ELAVL2: variants seen among roughly 807,000 people sequenced by gnomAD.
ELAVL2 encodes the protein ELAV-like protein 2.
A neutral mutation model predicts 34.6 loss-of-function variants in ELAVL2; 4 were observed. That is an observed-to-expected ratio of 0.12 (90% CI 0.06 to 0.26). ELAVL2 has a LOEUF of 0.26. Among genes scored for constraint, ELAVL2 ranks in the 10% least tolerant of loss-of-function variants. The pLI, the probability that ELAVL2 is intolerant of heterozygous loss-of-function variation, is 1.00. For synonymous variants in ELAVL2, 193 were observed against 154.8 expected (o/e 1.25, Z -1.83); for missense variants, 432 against 442.8 (o/e 0.98, Z 0.22).
chr9:23,711,363 A>G (rs1023150980), intron 3 of ELAVL2, among the ~76,000 whole-genome samples: 3 of 152,216 alleles, frequency 2.0e-5, no homozygotes, highest in African/African-American at 7.2e-5. Flanking sequence ...AAGTTCAGAG[A>G]TACCACGGAA....
At chr9:23,698,134 C>T (rs2132966022) in intron 5 of ELAVL2, among the ~76,000 whole-genome samples, 1 of 152,256 alleles carries the variant, frequency 6.6e-6, no homozygotes, top group East Asian at 1.9e-4. Context: ...GAAGCAGGCA[C>T]ACAGGTCATT....
At chr9:23,700,971 G>T (rs2036993811) in intron 5 of ELAVL2, among the ~76,000 whole-genome samples, 2 of 152,046 alleles carry the variant, frequency 1.3e-5, no homozygotes. Flanking sequence ...CAGCATTATT[G>T]GTGCTTTGGA....
chr9:23,827,358 G>A (rs185463638), upstream of ELAVL2, among the ~76,000 whole-genome samples: 45 of 152,324 alleles, frequency 3.0e-4, 1 homozygote, highest in East Asian at 8.1e-3. Context: ...CCAAAATACA[G>A]TTTTATGCAT....
chr9:23,731,201 T>C (rs766121073), intron 2 of ELAVL2, 76 bp from the exon 3 acceptor site: 40 of 1,311,082 alleles, frequency 3.1e-5, no homozygotes, highest in Non-Finnish European at 3.5e-5. Context: ...TTTTGGCATA[T>C]GGTCTTGTCA....
intron 1 of ELAVL2, among the ~76,000 whole-genome samples, chr9:23,807,057 TCAAA>T (rs1010715551): frequency 5.3e-5 from 8 of 152,114 alleles, no homozygotes; most frequent in African/African-American, 1.9e-4. Context: ...CCATGTTAAA[TCAAA>T]CAATTATAAA....
chr9:23,841,100 A>G, the ELAVL2 span, among the ~76,000 whole-genome samples: 1 of 152,132 alleles, frequency 6.6e-6, no homozygotes, highest in Admixed American at 6.6e-5. Context: ...TAGATGAACA[A>G]CCTGTTACCT....
chr9:23,699,823 T>G (rs1194669796), intron 5 of ELAVL2, among the ~76,000 whole-genome samples: 2 of 39,170 alleles, frequency 5.1e-5, no homozygotes, highest in Non-Finnish European at 5.0e-5. Flanking sequence ...TTTTTTTTTT[T>G]TTTTTTTTTT....
At chr9:23,745,294 T>C (rs2050221570) in intron 2 of ELAVL2, among the ~76,000 whole-genome samples, 1 of 152,164 alleles carries the variant, frequency 6.6e-6, no homozygotes, top group African/African-American at 2.4e-5. Context: ...GAATGTATAA[T>C]CTACAGCCAA....
chr9:23,827,971 A>C (rs1249807025), upstream of ELAVL2, among the ~76,000 whole-genome samples: 1 of 152,168 alleles, frequency 6.6e-6, no homozygotes, highest in Non-Finnish European at 1.5e-5. Context: ...CTCCACCCCC[A>C]GTTTTTGTAT....
intron 1 of ELAVL2, among the ~76,000 whole-genome samples, chr9:23,817,733 A>G (rs3793604): frequency 6.6e-6 from 1 of 152,230 alleles, no homozygotes; most frequent in Non-Finnish European, 1.5e-5. Context: ...CATATGATAC[A>G]CATCACACAA....
At chr9:23,784,156 C>T (rs1214998607) in intron 1 of ELAVL2, among the ~76,000 whole-genome samples, 1 of 151,830 alleles carries the variant, frequency 6.6e-6, no homozygotes, top group East Asian at 2.0e-4. Context: ...CGAGATTGCG[C>T]CACGACACTC....
At chr9:23,749,777 G>A (rs970837257) in intron 2 of ELAVL2, among the ~76,000 whole-genome samples, 1 of 152,030 alleles carries the variant, frequency 6.6e-6, no homozygotes, top group Non-Finnish European at 1.5e-5. Context: ...TTCAGAAAAG[G>A]CTTCTCCATC....
chr9:23,703,231 G>C (rs1483603207), intron 4 of ELAVL2, among the ~76,000 whole-genome samples: 1 of 152,230 alleles, frequency 6.6e-6, no homozygotes, highest in African/African-American at 2.4e-5. Context: ...CGCACTTTGT[G>C]TCATAGGTGA....
At chr9:23,727,220 A>T (rs1263580816) in intron 3 of ELAVL2, among the ~76,000 whole-genome samples, 1 of 152,136 alleles carries the variant, frequency 6.6e-6, no homozygotes, top group African/African-American at 2.4e-5. Context: ...ACATCTCCTT[A>T]ACCAGGAAAA....
intron 1 of ELAVL2, among the ~76,000 whole-genome samples, chr9:23,776,928 G>A (rs2058298578): frequency 6.6e-6 from 1 of 152,000 alleles, no homozygotes; most frequent in Non-Finnish European, 1.5e-5. Context: ...GTGGACTTCT[G>A]CCTCACTAAG....
chr9:23,804,458 T>C (rs1210189931), intron 1 of ELAVL2, among the ~76,000 whole-genome samples: 2 of 152,154 alleles, frequency 1.3e-5, no homozygotes, highest in African/African-American at 4.8e-5. Flanking sequence ...CATTTCAAGA[T>C]CAGCACATAC....
chr9:23,793,445 C>T (rs889655529), intron 1 of ELAVL2, among the ~76,000 whole-genome samples: 4 of 152,162 alleles, frequency 2.6e-5, no homozygotes, highest in African/African-American at 9.7e-5. Flanking sequence ...ATGAGACACA[C>T]ATATAGATTT....
chr9:23,713,239 G>C (rs1003910512), intron 3 of ELAVL2, among the ~76,000 whole-genome samples: 6 of 152,142 alleles, frequency 3.9e-5, no homozygotes, highest in Admixed American at 1.3e-4. Flanking sequence ...AGATATTCTT[G>C]AAATGCAACT....
intron 3 of ELAVL2, among the ~76,000 whole-genome samples, chr9:23,727,066 G>A (rs1587774358): frequency 6.6e-6 from 1 of 151,902 alleles, no homozygotes; most frequent in East Asian, 1.9e-4. Context: ...CTTCCCTAAT[G>A]AGAATCTTAA....
Sources: allele counts gnomAD v4.1 joint callset (sites outside exome capture counted in the v4.1 genomes callset), GRCh38; gene constraint gnomAD v4.1.1; transcripts MANE v1.5; gene names NCBI Gene and HGNC (gene_info 2026-07-23, HGNC 2026-07-21).